LGI1: variants seen among roughly 807,000 people sequenced by gnomAD.
LGI1 encodes the protein leucine-rich glioma-inactivated protein 1.
LGI1 carries 11 observed loss-of-function variants against 57.7 expected under a neutral mutation model. That is an observed-to-expected ratio of 0.19 (90% CI 0.12 to 0.32). The LOEUF (loss-of-function observed/expected upper bound fraction) is 0.32. LGI1 is among the 10% of genes least tolerant of loss of function. The probability of loss-of-function intolerance (pLI) is 1.00; values close to 1 mark genes in which losing one functional copy is unlikely to be tolerated. For missense variants in LGI1, 422 were observed against 661.9 expected (o/e 0.64, Z 3.98); for synonymous variants, 222 against 241.9 (o/e 0.92, Z 0.76).
At chr10:93,794,009 CTTTTTTT>C (rs1262054438) in intron 7 of LGI1, 2 of 112,250 alleles carry the variant, frequency 1.8e-5, no homozygotes. Flanking sequence ...TTTCTTTTTT[CTTTTTTT>C]TTCTTTTTTT....
At chr10:93,784,473 A>T (rs2134011573) in intron 4 of LGI1, among the ~76,000 whole-genome samples, 2 of 152,332 alleles carry the variant, frequency 1.3e-5, no homozygotes, top group South Asian at 4.1e-4. Flanking sequence ...GCCTGAGCTC[A>T]AACTCAGATA....
intron 2 of LGI1, chr10:93,768,380 C>T (rs10736079): frequency 0.84 from 127,623 of 152,220 alleles, 53,632 homozygotes; most frequent in East Asian, 0.99. Context: ...TCCCTCACCT[C>T]GGTTTTCTTT....
intron 2 of LGI1, chr10:93,768,775 C>A (rs546653116): frequency 6.6e-6 from 1 of 152,348 alleles, no homozygotes; most frequent in African/African-American, 2.4e-5. Context: ...AAAGATGTGA[C>A]CTTGGTTAAG....
chr10:93,774,535 C>T (rs1286856557), intron 2 of LGI1, among the ~76,000 whole-genome samples: 3 of 152,162 alleles, frequency 2.0e-5, no homozygotes, highest in African/African-American at 4.8e-5. Flanking sequence ...GCTTCTCTAC[C>T]GGCTGGCTCC....
rs565427077 is a variant in LGI1, at chr10:93,790,064, TAC to T, written c.432-33_432-32del. ...TAAATGCCTTTGTTTAATTTATCAC[TAC>T]AGTTTACATCACCTTTTTTTTTTTT... is the stretch of plus-strand genomic sequence containing the variant. On this transcript the variant is annotated intron_variant, in intron 4 of 7. Coordinates refer to ENST00000371418, the MANE Select transcript of LGI1 (RefSeq NM_005097.4). 188 of 1,540,262 alleles carry T rather than the reference TAC, an allele frequency of 1.2e-4. 1 individual carries two copies. In the African/African-American group the frequency reaches 2.4e-3, roughly 20 times the overall value.
chr10:93,775,454 G>A (rs573533061), intron 2 of LGI1, among the ~76,000 whole-genome samples: 5 of 152,280 alleles, frequency 3.3e-5, no homozygotes, highest in African/African-American at 7.2e-5. Context: ...AACTGTGCCC[G>A]GGGCTGGGGA....
chr10:93,771,738 G>A (rs1311504350), intron 2 of LGI1: 1 of 152,216 alleles, frequency 6.6e-6, no homozygotes, highest in Non-Finnish European at 1.5e-5. Context: ...GCACTTGGGA[G>A]GCCGAGGAGG....
chr10:93,796,923 A>G, intron 7 of LGI1, 45 bp from the exon 8 acceptor site: 1 of 1,488,316 alleles, frequency 6.7e-7, no homozygotes, highest in Non-Finnish European at 9.3e-7. Flanking sequence ...ACATGCTCCA[A>G]AAGAGGATGG....
intron 2 of LGI1, chr10:93,776,839 T>C (rs968140726): frequency 6.1e-6 from 1 of 163,692 alleles, no homozygotes; most frequent in Non-Finnish European, 1.3e-5. Flanking sequence ...CCAAACCTCA[T>C]GTTTCCCATT....
chr10:93,781,084 C>T (rs555078076), intron 4 of LGI1, among the ~76,000 whole-genome samples: 4 of 152,266 alleles, frequency 2.6e-5, no homozygotes, highest in Non-Finnish European at 4.4e-5. Flanking sequence ...ATAGGCCGGG[C>T]GTGGTGGCTC....
intron 2 of LGI1, among the ~76,000 whole-genome samples, chr10:93,761,633 C>T (rs2059624439): frequency 6.6e-6 from 1 of 151,998 alleles, no homozygotes; most frequent in African/African-American, 2.4e-5. Context: ...GGAAAAGATC[C>T]TGGTAGGCCA....
Position 93,758,467 on chromosome 10 carries a change from C to G in LGI1, c.215+108C>G. 1.8e-6 allele frequency: 2 copies of G among 1,128,856 alleles called. No homozygotes were observed. The highest frequency in any genetic ancestry group is 2.7e-6 in the Non-Finnish European group (2 of 751,746). 69.9% of individuals were successfully genotyped at this position (1,128,856 alleles called of 1,614,324 possible). On this transcript the variant is annotated intron_variant, in intron 1 of 7. Coordinates refer to ENST00000371418, the MANE Select transcript of LGI1 (RefSeq NM_005097.4). This position sits in a 1 kb window ranked among gnomAD's most constrained non-coding sequence, Gnocchi z 4.7. ...GAAGGGCATGGAGAGAGAGATTCCTCTTGCATGCTTGGCCATTTGACAGTG... is the reference window on the plus strand; with the variant it reads ...GAAGGGCATGGAGAGAGAGATTCCTGTTGCATGCTTGGCCATTTGACAGTG...
intron 2 of LGI1, among the ~76,000 whole-genome samples, chr10:93,774,736 G>A (rs989436557): frequency 6.6e-6 from 1 of 152,176 alleles, no homozygotes; most frequent in Admixed American, 6.5e-5. Flanking sequence ...TTTTTGTGTA[G>A]GTGGGGTGGG....
chr10:93,792,807 C>T lies in LGI1; in HGVS notation c.568C>T (p.His190Tyr), dbSNP rs1345126535. 6.2e-7 allele frequency: 1 copy of T among 1,613,990 alleles called. No individual in the cohort carries two copies. Among genetic ancestry groups the T allele is most frequent in the Non-Finnish European group, 8.5e-7 (1 of 1,179,970 alleles). ...KLKWLVEWLG[H>Y]TNATVEDIYC... The stretch of plus-strand genomic sequence containing the variant: ...GAAATGGCTAGTGGAATGGCTTGGC[C>T]ACACCAATGCAACTGTTGAAGACAT... Residue 190 changes from histidine to tyrosine, a missense_variant, in exon 6 of 8, where the codon CAC becomes TAC. Physicochemically the swap from His to Tyr is moderately conservative, Grantham distance 83. Coordinates refer to ENST00000371418, the MANE Select transcript of LGI1 (RefSeq NM_005097.4).
In LGI1 at chr10:93,785,846, T is replaced by C. The variant is rs1183192353; in HGVS notation, c.432-4253T>C. ...AAAGTGCTATCTCAGTCTCTCTAGC[T>C]GTTAAAATTCCCTGATAGACACAGG... On this transcript the variant is annotated intron_variant, in intron 4 of 7. Coordinates refer to ENST00000371418, the MANE Select transcript of LGI1 (RefSeq NM_005097.4). Among the ~76,000 whole-genome samples the C allele has an allele frequency of 6.5e-5, 3 of 46,124 alleles. 1 individual carries two copies. Among genetic ancestry groups the C allele is most frequent in the African/African-American group, 9.1e-5 (3 of 33,146 alleles). The allele number at this position is 46,124 out of a possible 152,430, so 30.3% of individuals were successfully genotyped here. A position where few individuals can be genotyped will look rare whatever the true frequency, so the allele number is the denominator to read the frequency against.
Position 93,766,265 on chromosome 10 carries a change from AAAATGTGATCAAAAGGCAAT to A in LGI1, c.287+7439_287+7458del, listed in dbSNP as rs1290365017. 1.3e-4 allele frequency among the ~76,000 whole-genome samples: 20 copies of A among 152,126 alleles called. No homozygotes were observed. The East Asian group carries it at 3.9e-3, about 29-fold the overall frequency. On this transcript the variant is annotated intron_variant, in intron 2 of 7. Transcript: ENST00000371418. Reference sequence around the variant, plus strand: ...CAAGATGGCAGGTGCTTGCATGTGTAAAATGTGATCAAAAGGCAATAAATCTTTAAAAATACAAACTAGAA... The same window carrying A: ...CAAGATGGCAGGTGCTTGCATGTGTAAAATCTTTAAAAATACAAACTAGAA...
chr10:93,766,897 A>C (rs936961477), intron 2 of LGI1: 1 of 152,164 alleles, frequency 6.6e-6, no homozygotes, highest in Non-Finnish European at 1.5e-5. Context: ...TGAGTCCTAA[A>C]AGATAACCTC....
intron 5 of LGI1, chr10:93,791,385 C>T (rs986425454): frequency 6.6e-6 from 1 of 152,038 alleles, no homozygotes; most frequent in African/African-American, 2.4e-5. Flanking sequence ...GGTCCTTTAC[C>T]CCATTTTTGT....
At chr10:93,792,506 T>G (rs2059945600) in intron 5 of LGI1, 1 of 582,960 alleles carries the variant, frequency 1.7e-6, no homozygotes. Flanking sequence ...TAAGCCGCTT[T>G]GGAATTCAAG....
Sources: allele counts gnomAD v4.1 joint callset (sites outside exome capture counted in the v4.1 genomes callset), GRCh38; gene constraint gnomAD v4.1.1; non-coding constraint Gnocchi (gnomAD v3.1); transcripts MANE v1.5; gene names NCBI Gene and HGNC (gene_info 2026-07-23, HGNC 2026-07-21).